Variants in LGSN observed in about 807,000 individuals in gnomAD.
The protein encoded by LGSN is lengsin.
Under a neutral mutation model 19.5 loss-of-function variants are expected in LGSN, and 21 were observed. The observed-to-expected ratio is 1.07, with a 90% confidence interval of 0.76 to 1.55. The LOEUF is 1.55. LGSN is among the 40% of genes most tolerant of loss of function. LGSN has a pLI of 0.00. For synonymous variants in LGSN, 257 were observed against 215.6 expected (o/e 1.19, Z -1.68); for missense variants, 673 against 608.5 (o/e 1.11, Z -1.12).
intron 1 of LGSN, among the ~76,000 whole-genome samples, chr6:63,315,038 T>C (rs1768785877): frequency 6.6e-6 from 1 of 152,132 alleles, no homozygotes; most frequent in Admixed American, 6.6e-5. Flanking sequence ...CCAAGACAGA[T>C]GGGATAAGAA....
chr6:63,506,191 T>G, the LGSN span, among the ~76,000 whole-genome samples: 1 of 152,192 alleles, frequency 6.6e-6, no homozygotes, highest in Non-Finnish European at 1.5e-5. Context: ...AAAATTTTGA[T>G]TACATATTGA....
rs868397445 is a variant in LGSN at position 63,280,540 on chromosome 6, G to A, written c.1011C>T (p.Leu337=). 23 of 1,613,932 alleles carry A rather than the reference G, an allele frequency of 1.4e-5. No homozygotes were observed. The Admixed American group carries it at 1.7e-4, about 12-fold the overall frequency. ...CCAACCATTTTTTCCCAGTGATCGTGAGCTGCTCAGTTCCAGAAGTGCTGC... is the reference window on the plus strand; with the variant it reads ...CCAACCATTTTTTCCCAGTGATCGTAAGCTGCTCAGTTCCAGAAGTGCTGC... ...MFCSTSGTEQ[L]TITGKKWLAG... Residue 337 remains leucine, a synonymous_variant, in exon 4 of 4, where the codon CTC becomes CTT. Coordinates refer to ENST00000370657, the MANE Select transcript of LGSN (RefSeq NM_016571.3).
chr6:63,417,557 T>G, the LGSN span, among the ~76,000 whole-genome samples: 1 of 152,204 alleles, frequency 6.6e-6, no homozygotes, highest in Non-Finnish European at 1.5e-5. Flanking sequence ...TTCTGTCTGT[T>G]TAAATAGCAG....
At chr6:63,447,083 A>G in the LGSN span, among the ~76,000 whole-genome samples, 13 of 152,362 alleles carry the variant, frequency 8.5e-5, no homozygotes, top group African/African-American at 2.9e-4. Flanking sequence ...CTCAACAAGA[A>G]TCACTTTAGC....
At chr6:63,310,846 A>C (rs943303088) in intron 1 of LGSN, among the ~76,000 whole-genome samples, 1 of 152,226 alleles carries the variant, frequency 6.6e-6, no homozygotes, top group Non-Finnish European at 1.5e-5. Context: ...TGTTCGATGC[A>C]AGGCATGAGC....
chr6:63,502,251 C>T, the LGSN span, among the ~76,000 whole-genome samples: 1 of 152,316 alleles, frequency 6.6e-6, no homozygotes, highest in Non-Finnish European at 1.5e-5. Context: ...AGTTAACTAT[C>T]TATTAGAGAA....
the LGSN span, among the ~76,000 whole-genome samples, chr6:63,353,810 G>T: frequency 6.6e-6 from 1 of 151,978 alleles, no homozygotes; most frequent in Non-Finnish European, 1.5e-5. Flanking sequence ...ATAGACCAAT[G>T]AAACAGAATA....
At chr6:63,408,143 T>C in the LGSN span, among the ~76,000 whole-genome samples, 4 of 152,208 alleles carry the variant, frequency 2.6e-5, no homozygotes, top group African/African-American at 4.8e-5. Flanking sequence ...CTCATCAAGC[T>C]ACCCATGACT....
chr6:63,491,946 T>C, the LGSN span, among the ~76,000 whole-genome samples: 1 of 151,978 alleles, frequency 6.6e-6, no homozygotes, highest in Non-Finnish European at 1.5e-5. Context: ...GGAGAATCGC[T>C]TGAACCCGGG....
chr6:63,521,317 C>A, the LGSN span, among the ~76,000 whole-genome samples: 1 of 152,094 alleles, frequency 6.6e-6, no homozygotes, highest in Non-Finnish European at 1.5e-5. Flanking sequence ...TCTGGCTTGT[C>A]GTATTCTAGC....
At chr6:63,420,870 T>C in the LGSN span, among the ~76,000 whole-genome samples, 7 of 152,304 alleles carry the variant, frequency 4.6e-5, no homozygotes, top group African/African-American at 1.7e-4. Context: ...ATTGTGAACA[T>C]GCTTGAAAAA....
the LGSN span, chr6:63,396,510 T>C: frequency 6.3e-6 from 1 of 157,930 alleles, no homozygotes; most frequent in Admixed American, 6.5e-5. Context: ...CCTCAGGTAT[T>C]TGCCTGAGAG....
chr6:63,557,074 G>A, the LGSN span, among the ~76,000 whole-genome samples: 1 of 152,170 alleles, frequency 6.6e-6, no homozygotes, highest in Non-Finnish European at 1.5e-5. Context: ...GCCAAGTACT[G>A]TGTTAAGCAC....
chr6:63,322,669 G>A (rs1769112059), upstream of LGSN, among the ~76,000 whole-genome samples: 2 of 152,090 alleles, frequency 1.3e-5, no homozygotes, highest in Admixed American at 6.5e-5. Flanking sequence ...TGTTCACAAA[G>A]GCCCCCAAAA....
the LGSN span, among the ~76,000 whole-genome samples, chr6:63,428,476 C>G: frequency 2.0e-5 from 3 of 152,096 alleles, no homozygotes; most frequent in Admixed American, 6.6e-5. Context: ...CTCAGCCTCC[C>G]GAGTAGCTGG....
the LGSN span, among the ~76,000 whole-genome samples, chr6:63,379,527 T>C: frequency 6.6e-6 from 1 of 152,214 alleles, no homozygotes; most frequent in African/African-American, 2.4e-5. Context: ...TCCTTATCTG[T>C]ATTGCCAATA....
At chr6:63,446,730 C>T in the LGSN span, among the ~76,000 whole-genome samples, 3 of 152,102 alleles carry the variant, frequency 2.0e-5, no homozygotes, top group Non-Finnish European at 4.4e-5. Flanking sequence ...TCTTACTTGA[C>T]CCAAGAAAAA....
rs753000600 is a variant in LGSN, at chr6:63,280,126, A to T, written c.1425T>A (p.Ala475=). 1 of 1,614,204 alleles carries T rather than the reference A, an allele frequency of 6.2e-7. No individual in the cohort carries two copies. The highest frequency in any genetic ancestry group is 1.3e-5 in the African/African-American group (1 of 75,062). Residue 475 remains alanine, a synonymous_variant, in exon 4 of 4, where the codon GCT becomes GCA. Coordinates refer to ENST00000370657, the MANE Select transcript of LGSN (RefSeq NM_016571.3). ...AATATCGAATAAAGGTTTCTCCTAG[A>T]GCCTGTCTCAGGCATTGATCTTCTT... The part of the protein sequence containing the change: ...ALEEDQCLRQ[A]LGETFIRYFV...
chr6:63,485,206 G>C, the LGSN span, among the ~76,000 whole-genome samples: 3 of 151,786 alleles, frequency 2.0e-5, no homozygotes, highest in Non-Finnish European at 2.9e-5. Flanking sequence ...CCTCCAATAG[G>C]CCCCAGTGTG....
Sources: gnomAD v4.1 joint callset for allele counts (sites outside exome capture counted in the v4.1 genomes callset) on GRCh38, gnomAD v4.1.1 for gene constraint, MANE v1.5 for transcripts, NCBI Gene and HGNC (gene_info 2026-07-23, HGNC 2026-07-21) for gene names.